The following PIP5K1A variants were observed in gnomAD, a reference collection of about 807,000 sequenced individuals.
PIP5K1A encodes phosphatidylinositol 4-phosphate 5-kinase type-1 alpha.
PIP5K1A carries 46 observed loss-of-function variants against 72.9 expected under a neutral mutation model. The observed-to-expected ratio is 0.63, with a 90% CI of 0.50 to 0.81. PIP5K1A has a LOEUF of 0.81. PIP5K1A is among the 30% of genes least tolerant of loss of function. The pLI is 0.00. For synonymous variants in PIP5K1A, 228 were observed against 255.1 expected (o/e 0.89, Z 1.01); for missense variants, 458 against 706.1 (o/e 0.65, Z 3.98).
chr1:151,232,885 G>C lies in PIP5K1A; in HGVS notation c.639+182G>C, dbSNP rs183887041. Among the ~76,000 whole-genome samples the C allele has an allele frequency of 2.4e-4, 36 of 152,212 alleles. No homozygotes were observed. In the East Asian group the frequency reaches 7.0e-3, roughly 29 times the overall value. On this transcript the variant is annotated intron_variant, in intron 7 of 15. Coordinates refer to ENST00000368888, the MANE Select transcript of PIP5K1A (RefSeq NM_001135638.2). Reference sequence around the variant, plus strand: ...GGAGGCCGAGGCAAGAGGATCACAAGATCAGGAGATCAAGACCATCCTGGC... The same window carrying C: ...GGAGGCCGAGGCAAGAGGATCACAACATCAGGAGATCAAGACCATCCTGGC...
chr1:151,246,723 T>A (rs1692563198), intron 14 of PIP5K1A, among the ~76,000 whole-genome samples, 197 bp from the exon 15 acceptor site: 1 of 152,194 alleles, frequency 6.6e-6, no homozygotes, highest in South Asian at 2.1e-4. Context: ...AAATATTTTA[T>A]AGTATTCAAG....
intron 1 of PIP5K1A, among the ~76,000 whole-genome samples, chr1:151,199,866 G>C (rs373646054): frequency 1.3e-5 from 2 of 152,020 alleles, no homozygotes; most frequent in Non-Finnish European, 2.9e-5. Flanking sequence ...TTGGGTGGGC[G>C]GGAGTTGTTG....
chr1:151,236,296 T>C (rs947680453), intron 8 of PIP5K1A, among the ~76,000 whole-genome samples: 8 of 151,668 alleles, frequency 5.3e-5, no homozygotes, highest in Non-Finnish European at 1.0e-4. Context: ...CTGGGCAGCA[T>C]GGTGAAACCG....
chr1:151,246,851 A>G, intron 14 of PIP5K1A, 69 bp from the exon 15 acceptor site: 1 of 1,161,926 alleles, frequency 8.6e-7, no homozygotes, highest in Admixed American at 1.8e-5. Flanking sequence ...ATGAGATTTA[A>G]AAGGAGAGTC....
chr1:151,243,786 A>T (rs1349670076), intron 14 of PIP5K1A, among the ~76,000 whole-genome samples: 3 of 152,222 alleles, frequency 2.0e-5, no homozygotes, highest in Non-Finnish European at 2.9e-5. Flanking sequence ...GTTTCTACTG[A>T]TACAGAAGAT....
chr1:151,227,841 G>T (rs1387979040), intron 4 of PIP5K1A, among the ~76,000 whole-genome samples: 1 of 152,116 alleles, frequency 6.6e-6, no homozygotes, highest in East Asian at 1.9e-4. Flanking sequence ...AGGTCAAATT[G>T]TGCCACTTGG....
intron 1 of PIP5K1A, among the ~76,000 whole-genome samples, chr1:151,202,286 C>T (rs1000756213): frequency 7.2e-5 from 11 of 152,174 alleles, no homozygotes; most frequent in Admixed American, 7.2e-4. Context: ...TGGAGTTCAG[C>T]TAAACAGCTA....
chr1:151,227,353 A>G lies in PIP5K1A; in HGVS notation c.190A>G (p.Ile64Val). ...TGCCTCTGGCATGCCCATCAAGAAA[A>G]TAGGCCATAGAAGTGTTGATTCCTC... Reference protein sequence around the residue: ...PYASGMPIKKIGHRSVDSSGE... With the variant: ...PYASGMPIKKVGHRSVDSSGE... The change falls in exon 4 of 16, where the codon ATA becomes GTA. Residue 64 changes from isoleucine (I) to valine (V), a missense_variant. Physicochemically the swap from Ile to Val is conservative, Grantham distance 29. This residue lies in a region of PIP5K1A where 81 missense variants were observed against 88.0 expected (regional missense o/e 0.92). Coordinates refer to ENST00000368888, the MANE Select transcript of PIP5K1A (RefSeq NM_001135638.2). 1 of 1,613,226 alleles carries G rather than the reference A, an allele frequency of 6.2e-7. No individual in the cohort carries two copies. The highest frequency in any genetic ancestry group is 8.5e-7 in the Non-Finnish European group (1 of 1,179,214).
In PIP5K1A at chr1:151,234,258, C is replaced by T. The variant is rs763022795; in HGVS notation, c.701C>T (p.Ala234Val). ...PKFYGLYCVQ[A>V]GGKNIRIVVM... ...TTCTATGGACTGTACTGTGTGCAGG[C>T]AGGTGGCAAGAACATTCGGATTGTG... Residue 234 changes from alanine to valine, a missense_variant, in exon 8 of 16, where the codon GCA becomes GTA. Around this residue, in one of 3 missense-constraint regions of PIP5K1A, gnomAD observed 220 missense variants for 442.6 expected, o/e 0.50. Transcript: ENST00000368888. The T allele has an allele frequency of 6.2e-7, 1 of 1,613,926 alleles. No individual in the cohort carries two copies. The highest frequency in any genetic ancestry group is 1.1e-5 in the South Asian group (1 of 91,082).
intron 12 of PIP5K1A, 35 bp downstream of exon 12, chr1:151,240,074 G>A: frequency 1.4e-6 from 2 of 1,456,108 alleles, no homozygotes; most frequent in African/African-American, 1.4e-5. Context: ...GCCTACTCCT[G>A]CCCAGTGGCT....
At chr1:151,210,596 A>AT (rs1286875761) in intron 1 of PIP5K1A, among the ~76,000 whole-genome samples, 1 of 151,486 alleles carries the variant, frequency 6.6e-6, no homozygotes, top group Non-Finnish European at 1.5e-5. Context: ...ATACATATAT[A>AT]TTTTTTGAGA....
intron 1 of PIP5K1A, among the ~76,000 whole-genome samples, chr1:151,219,381 CAAA>C (rs1179510165): frequency 2.1e-4 from 14 of 67,192 alleles, no homozygotes; most frequent in South Asian, 9.6e-4. Context: ...ACTCTCGTCT[CAAA>C]AAAAAAAAAA....
At chr1:151,199,378 C>T (rs1353552086) in intron 1 of PIP5K1A, among the ~76,000 whole-genome samples, 1 of 152,022 alleles carries the variant, frequency 6.6e-6, no homozygotes, top group Admixed American at 6.6e-5. Context: ...TTTGGGAGGC[C>T]TTGGCGGGCG....
intron 6 of PIP5K1A, 65 bp from the exon 7 acceptor site, chr1:151,232,486 T>C (rs902774056): frequency 6.5e-7 from 1 of 1,543,606 alleles, no homozygotes; most frequent in Non-Finnish European, 8.9e-7. Flanking sequence ...CATCTGTAGT[T>C]GATTTTTGTG....
chr1:151,204,078 C>A (rs1250626923), intron 1 of PIP5K1A, among the ~76,000 whole-genome samples: 1 of 152,138 alleles, frequency 6.6e-6, no homozygotes, highest in African/African-American at 2.4e-5. Context: ...GGGACAGCTT[C>A]ATCAGTCTGT....
chr1:151,240,041 T>G lies in PIP5K1A; in HGVS notation c.1363+2T>G. 1 of 1,608,822 alleles carries G rather than the reference T, an allele frequency of 6.2e-7. No homozygotes were observed. The stretch of plus-strand genomic sequence containing the variant: ...ACACAGTATTTAAGAAGATTCCCTG[T>G]AAGTGGTTTCTACCAATTGACTGCC... On this transcript the variant is annotated splice_donor_variant, in intron 12 of 15. Coordinates refer to ENST00000368888, the MANE Select transcript of PIP5K1A (RefSeq NM_001135638.2). LOFTEE classifies it high-confidence loss of function.
intron 1 of PIP5K1A, among the ~76,000 whole-genome samples, chr1:151,211,997 A>G (rs1686888759): frequency 6.6e-6 from 1 of 151,726 alleles, no homozygotes; most frequent in African/African-American, 2.4e-5. Flanking sequence ...CTGTAGTCCT[A>G]GCTATTCGGG....
intron 14 of PIP5K1A, among the ~76,000 whole-genome samples, chr1:151,244,475 G>A (rs899627213): frequency 2.7e-4 from 41 of 152,170 alleles, no homozygotes; most frequent in African/African-American, 6.7e-4. Flanking sequence ...GCAACATGGC[G>A]AAACCCCATC....
intron 1 of PIP5K1A, among the ~76,000 whole-genome samples, chr1:151,221,697 C>T (rs587685835): frequency 7.6e-4 from 116 of 152,250 alleles, no homozygotes; most frequent in African/African-American, 2.7e-3. Flanking sequence ...CAGTATTTTT[C>T]ACAAAGACAC....
Sources: gnomAD v4.1 joint callset for allele counts (sites outside exome capture counted in the v4.1 genomes callset) on GRCh38, gnomAD v4.1.1 for gene constraint, gnomAD v4.1.1 regional missense constraint, MANE v1.5 for transcripts, NCBI Gene and HGNC (gene_info 2026-07-23, HGNC 2026-07-21) for gene names.